Variants in KIF13B observed in about 807,000 individuals in gnomAD.
KIF13B encodes the protein kinesin-like protein KIF13B.
In KIF13B, 127 loss-of-function variants were observed where a neutral mutation model predicts 222.0. The ratio of observed to expected loss-of-function variants is 0.57; its 90% CI spans 0.50 to 0.66. The LOEUF (loss-of-function observed/expected upper bound fraction) is 0.66, where lower values mean the gene tolerates loss of function less well. Ranked by LOEUF, KIF13B falls within the 30% of genes least tolerant of loss-of-function variation. The pLI is 0.00. For synonymous variants in KIF13B, 976 were observed against 919.0 expected, an observed-to-expected ratio of 1.06 and a Z score of -1.12; for missense variants, 2,173 against 2,379.0, an observed-to-expected ratio of 0.91 and a Z score of 1.80.
At chr8:29,101,089 C>A (rs78272097) in intron 35 of KIF13B, among the ~76,000 whole-genome samples, 1 of 152,126 alleles carries the variant, frequency 6.6e-6, no homozygotes, top group African/African-American at 2.4e-5. Flanking sequence ...AATACTTCAG[C>A]GGAGGAGCGC....
In KIF13B at chr8:29,070,250, C is replaced by T; in HGVS notation, c.*254G>A. 1 of 557,702 alleles carries T rather than the reference C, an allele frequency of 1.8e-6. No individual in the cohort carries two copies. Among genetic ancestry groups the T allele is most frequent in the Non-Finnish European group, 3.2e-6 (1 of 315,586 alleles). 34.5% of individuals were successfully genotyped at this position (557,702 alleles called of 1,614,324 possible). A position where few individuals can be genotyped will look rare whatever the true frequency, so the allele number is the denominator to read the frequency against. On this transcript the variant is annotated 3_prime_UTR_variant, in exon 40 of 40. Coordinates refer to ENST00000524189, the MANE Select transcript of KIF13B (RefSeq NM_015254.4). The surrounding 1 kb of genome is among the most constrained non-coding windows in gnomAD (Gnocchi z 4.1). Reference sequence around the variant, plus strand: ...CACCCAGGGTCTCAGTCCTAGCATCCCCCAGCCCCTGCGGGCACCCAGAAC... The same window carrying T: ...CACCCAGGGTCTCAGTCCTAGCATCTCCCAGCCCCTGCGGGCACCCAGAAC...
chr8:29,219,298 G>A (rs973608652), intron 2 of KIF13B: 4 of 152,222 alleles, frequency 2.6e-5, no homozygotes, highest in Admixed American at 2.0e-4. Flanking sequence ...CCCAAGACCA[G>A]AGGGCTGCTA....
intron 36 of KIF13B, among the ~76,000 whole-genome samples, chr8:29,098,170 CAAAAAAAAAA>C (rs147089450): frequency 3.3e-5 from 1 of 30,318 alleles, no homozygotes; most frequent in Non-Finnish European, 5.9e-5. Context: ...GACTCCATCT[CAAAAAAAAAA>C]AAAAAAAAAA....
chr8:29,107,751 G>A lies in KIF13B; in HGVS notation c.4215+388C>T, dbSNP rs944855381. 2.8e-4 allele frequency among the ~76,000 whole-genome samples: 42 copies of A among 151,852 alleles called. 1 individual carries two copies. The highest frequency in any genetic ancestry group is 3.4e-4 in the Non-Finnish European group (23 of 67,946). On this transcript the variant is annotated intron_variant, in intron 35 of 39. Coordinates refer to ENST00000524189, the MANE Select transcript of KIF13B (RefSeq NM_015254.4). ...AGTTTTTTGTATTTTTAGTAGAGAC[G>A]GGGTTTCACCGTGTTAGCCAGGATG...
At chr8:29,133,375 G>A (rs1332633988) in intron 22 of KIF13B, among the ~76,000 whole-genome samples, 1 of 152,162 alleles carries the variant, frequency 6.6e-6, no homozygotes, top group East Asian at 1.9e-4. Context: ...GATCATTTGA[G>A]GTCAGGAGTT....
At chr8:29,156,794 G>A (rs1306276146) in intron 13 of KIF13B, among the ~76,000 whole-genome samples, 1 of 151,506 alleles carries the variant, frequency 6.6e-6, no homozygotes, top group East Asian at 2.0e-4. Context: ...GTACTGGGAT[G>A]ACATGTGTGA....
intron 11 of KIF13B, 132 bp from the exon 12 acceptor site, chr8:29,165,904 T>TTCGATTGTGGATCGAAGTACC: frequency 1.8e-6 from 1 of 567,658 alleles, no homozygotes; most frequent in South Asian, 2.4e-5. Flanking sequence ...TGACATCTAC[T>TTCGATTGTGGATCGAAGTACC]TCGATTGTAG....
chr8:29,161,717 A>C (rs2130119809), intron 12 of KIF13B, among the ~76,000 whole-genome samples: 1 of 148,152 alleles, frequency 6.7e-6, no homozygotes, highest in African/African-American at 2.4e-5. Flanking sequence ...CCAAAAAAAA[A>C]CAAAAAACAA....
At chr8:29,247,784 T>C (rs1816093928) in intron 1 of KIF13B, among the ~76,000 whole-genome samples, 1 of 137,594 alleles carries the variant, frequency 7.3e-6, no homozygotes, top group Admixed American at 8.5e-5. Context: ...CAGTGAGCTG[T>C]GATGGCAATA....
chr8:29,108,463 C>T (rs553300210), intron 34 of KIF13B, among the ~76,000 whole-genome samples: 5 of 152,190 alleles, frequency 3.3e-5, no homozygotes, highest in South Asian at 2.1e-4. Flanking sequence ...CAAGAGATGT[C>T]GCGTTGGGTG....
chr8:29,114,216 G>A (rs1225905197), intron 31 of KIF13B, among the ~76,000 whole-genome samples: 1 of 152,220 alleles, frequency 6.6e-6, no homozygotes, highest in Non-Finnish European at 1.5e-5. Flanking sequence ...GAGAGCACAT[G>A]AAATGGGCAC....
intron 35 of KIF13B, among the ~76,000 whole-genome samples, chr8:29,102,572 G>GT (rs1371439317): frequency 3.9e-5 from 6 of 152,364 alleles, no homozygotes; most frequent in South Asian, 4.1e-4. Flanking sequence ...GACCCATGCA[G>GT]TTTTTCCCAC....
Position 29,176,135 on chromosome 8 carries a change from T to C in KIF13B, c.878A>G (p.Gln293Arg). ...TTTATTCTTGTTTTTGCCAGCACTC[T>C]GATCTGCAAGAGCTGAGATAACCAG... ...LGLVISALADQSAGKNKNKFV... is the reference protein window; with the variant it reads ...LGLVISALADRSAGKNKNKFV... The change falls in exon 10 of 40, where the codon CAG becomes CGG. Residue 293 changes from glutamine (Q) to arginine (R), a missense_variant. Coordinates refer to ENST00000524189, the MANE Select transcript of KIF13B (RefSeq NM_015254.4). 6.2e-7 allele frequency: 1 copy of C among 1,613,824 alleles called. No homozygotes were observed. The highest frequency in any genetic ancestry group is 1.7e-5 in the Admixed American group (1 of 60,022).
chr8:29,115,692 C>G (rs1327361162), intron 31 of KIF13B, among the ~76,000 whole-genome samples: 1 of 152,180 alleles, frequency 6.6e-6, no homozygotes, highest in African/African-American at 2.4e-5. Context: ...CATAATCCAG[C>G]TGCAACTATG....
intron 35 of KIF13B, among the ~76,000 whole-genome samples, chr8:29,105,932 T>G (rs568443417): frequency 6.6e-6 from 1 of 152,242 alleles, no homozygotes; most frequent in Non-Finnish European, 1.5e-5. Context: ...GTGCTGGGAT[T>G]ACAGGCCTGG....
At chr8:29,089,771 G>T (rs1317685232) in intron 37 of KIF13B, among the ~76,000 whole-genome samples, 2 of 151,418 alleles carry the variant, frequency 1.3e-5, no homozygotes, top group Non-Finnish European at 2.9e-5. Context: ...GCAGGTGCCT[G>T]TAATCCCAGC....
chr8:29,175,547 C>A (rs977305180), intron 10 of KIF13B, among the ~76,000 whole-genome samples: 1 of 152,224 alleles, frequency 6.6e-6, no homozygotes, highest in Admixed American at 6.5e-5. Flanking sequence ...GAATGAATGA[C>A]TGTGTGCTCT....
intron 18 of KIF13B, chr8:29,146,073 G>A (rs528732055): frequency 4.7e-5 from 26 of 557,398 alleles, no homozygotes; most frequent in Middle Eastern, 9.5e-4. Flanking sequence ...AAAGACATTC[G>A]GGGAAGATTA....
intron 37 of KIF13B, among the ~76,000 whole-genome samples, chr8:29,078,092 G>C (rs1011519162): frequency 2.3e-5 from 3 of 131,152 alleles, no homozygotes; most frequent in Non-Finnish European, 4.6e-5. Context: ...GGACCAGCCT[G>C]GCCAACATGG....
Sources: allele counts gnomAD v4.1 joint callset (sites outside exome capture counted in the v4.1 genomes callset), GRCh38; gene constraint gnomAD v4.1.1; non-coding constraint Gnocchi (gnomAD v3.1); transcripts MANE v1.5; gene names NCBI Gene and HGNC (gene_info 2026-07-23, HGNC 2026-07-21).